The following CCT3 variants were observed in gnomAD, a reference collection of about 807,000 sequenced individuals.
CCT3 encodes T-complex protein 1 subunit gamma.
Under a neutral mutation model 65.3 loss-of-function variants are expected in CCT3, and 10 were observed. That is an observed-to-expected ratio of 0.15 (90% CI 0.09 to 0.26). The LOEUF (loss-of-function observed/expected upper bound fraction) is 0.26, where lower values mean the gene tolerates loss of function less well. Ranked by LOEUF, CCT3 falls within the 10% of genes least tolerant of loss-of-function variation. The probability of loss-of-function intolerance (pLI) is 1.00; values close to 1 mark genes in which losing one functional copy is unlikely to be tolerated. For missense variants in CCT3, 626 were observed against 708.7 expected, an observed-to-expected ratio of 0.88 and a Z score of 1.33; for synonymous variants, 225 against 242.3, an observed-to-expected ratio of 0.93 and a Z score of 0.66.
intron 8 of CCT3, among the ~76,000 whole-genome samples, chr1:156,318,102 C>T (rs1400186262): frequency 6.6e-6 from 1 of 152,138 alleles, no homozygotes; most frequent in Non-Finnish European, 1.5e-5. Flanking sequence ...TCTGACCACC[C>T]AGTCCAATCC....
At chr1:156,335,038 A>G (rs1220868965) in intron 2 of CCT3, 120 bp from the exon 3 acceptor site, 1 of 777,312 alleles carries the variant, frequency 1.3e-6, no homozygotes, top group Non-Finnish European at 2.0e-6. Context: ...TTTTATTTTA[A>G]TTTTATTTTA....
In CCT3 at chr1:156,325,001, A is replaced by G; in HGVS notation, c.393T>C (p.Asp131=). ...VVISAYRKAL[D]DMISTLKKIS... is the part of the protein sequence containing the mutation. ...TTTTCTTTAGGGTGCTGATCATATC[A>G]TCCAATGCCTTGCGGTAAGCACTGA... Residue 131 remains aspartate (D), a synonymous_variant, in exon 6 of 14, where the codon GAT becomes GAC. Transcript: ENST00000295688. 1 of 1,613,300 alleles carries G rather than the reference A, an allele frequency of 6.2e-7. No homozygotes were observed. Among genetic ancestry groups the G allele is most frequent in the South Asian group, 1.1e-5 (1 of 91,064 alleles).
At chr1:156,310,866 T>C (rs1456238126) in intron 12 of CCT3, 84 bp downstream of exon 12, 9 of 1,520,088 alleles carry the variant, frequency 5.9e-6, no homozygotes, top group Non-Finnish European at 8.0e-6. Context: ...AAAGAGAATT[T>C]GGATAGCCAG....
chr1:156,319,063 T>C (rs932563055), intron 7 of CCT3, 46 bp from the exon 8 acceptor site: 1 of 1,522,140 alleles, frequency 6.6e-7, no homozygotes, highest in Non-Finnish European at 8.9e-7. Context: ...AAGAGACAAT[T>C]TCTTAATTTC....
chr1:156,315,858 G>C (rs762848338), intron 10 of CCT3, among the ~76,000 whole-genome samples: 1 of 152,042 alleles, frequency 6.6e-6, no homozygotes, highest in Non-Finnish European at 1.5e-5. Context: ...ATTTCAACTA[G>C]AGAATTAGAA....
At chr1:156,332,754 A>G (rs1028222329) in intron 5 of CCT3, 1 of 152,256 alleles carries the variant, frequency 6.6e-6, no homozygotes, top group African/African-American at 2.4e-5. Flanking sequence ...TTCTATGTGC[A>G]AGAAGGCTGT....
intron 10 of CCT3, among the ~76,000 whole-genome samples, chr1:156,313,350 G>GAAAAAAAAAAA (rs58926932): frequency 7.5e-5 from 8 of 106,748 alleles, no homozygotes; most frequent in Admixed American, 2.3e-4. Context: ...AAAAAAAAAA[G>GAAAAAAAAAAA]AAAAAAAAAA....
intron 5 of CCT3, among the ~76,000 whole-genome samples, chr1:156,328,058 T>C (rs1664920356): frequency 2.3e-4 from 1 of 4,280 alleles, no homozygotes; most frequent in Non-Finnish European, 4.7e-4. Context: ...AGCCGCCCCA[T>C]CTGGCAGGGA....
intron 6 of CCT3, among the ~76,000 whole-genome samples, chr1:156,324,467 T>C (rs952565084): frequency 2.0e-5 from 3 of 152,178 alleles, no homozygotes; most frequent in Non-Finnish European, 2.9e-5. Context: ...AGGTAATATA[T>C]GCTTTTCTTT....
intron 12 of CCT3, 36 bp downstream of exon 12, chr1:156,310,914 T>C (rs1402453710): frequency 1.2e-6 from 2 of 1,603,370 alleles, no homozygotes; most frequent in Non-Finnish European, 1.7e-6. Flanking sequence ...CAGCTTTCCC[T>C]GCTCCATCAA....
intron 5 of CCT3, chr1:156,333,050 C>T (rs916232226): frequency 5.7e-6 from 1 of 176,444 alleles, no homozygotes; most frequent in African/African-American, 2.4e-5. Context: ...AATCCCAGCA[C>T]TTTGGGAGGC....
At position 156,334,833 on chromosome 1, in the gene CCT3, T is replaced by C. The variant is rs1247297916; in HGVS notation, c.144+35A>G. The stretch of plus-strand genomic sequence containing the variant: ...TCCTAGATAACAGGAAGAAAAAAAT[T>C]GTAGCCTAAGAGTTTTAGGAAGAGA... On this transcript the variant is annotated intron_variant, in intron 3 of 13. Coordinates refer to ENST00000295688, the MANE Select transcript of CCT3 (RefSeq NM_005998.5). The C allele has an allele frequency of 5.6e-6, 9 of 1,613,640 alleles. No homozygotes were observed. In the African/African-American group the frequency reaches 8.0e-5, roughly 14 times the overall value.
chr1:156,312,026 C>T lies in CCT3; in HGVS notation c.1155+15G>A. On this transcript the variant is annotated intron_variant, in intron 11 of 13. Transcript: ENST00000295688. The stretch of plus-strand genomic sequence containing the variant: ...TGATCTACTTCATCTGGTCATACAT[C>T]CAAGGCTGACTCACCGAGAGAATCT... The T allele has an allele frequency of 1.2e-6, 2 of 1,600,512 alleles. No homozygotes were observed. The highest frequency in any genetic ancestry group is 1.7e-6 in the Non-Finnish European group (2 of 1,174,306).
At chr1:156,320,534 G>A (rs926250922) in intron 7 of CCT3, among the ~76,000 whole-genome samples, 2 of 152,186 alleles carry the variant, frequency 1.3e-5, no homozygotes, top group Admixed American at 1.3e-4. Context: ...GATCACTTGA[G>A]GCCAGGAGTT....
Position 156,329,303 on chromosome 1 carries a change from C to CTTT in CCT3, c.305-4217_305-4215dup, listed in dbSNP as rs765770849. Among the ~76,000 whole-genome samples the CTTT allele has an allele frequency of 2.2e-3, 261 of 119,504 alleles. 2 individuals carry two copies. The highest frequency in any genetic ancestry group is 5.2e-3 in the South Asian group (18 of 3,464). 78.4% of individuals were successfully genotyped at this position (119,504 alleles called of 152,430 possible). ...CATTTGTCTCAGAACGTATCCCCATCTTTTTTTTTTTTTTTTTTTTTGAGA... is the reference window on the plus strand; with the variant it reads ...CATTTGTCTCAGAACGTATCCCCATCTTTTTTTTTTTTTTTTTTTTTTTTGAGA... On this transcript the variant is annotated intron_variant, in intron 5 of 13. Transcript: ENST00000295688.
chr1:156,312,954 T>C (rs751674638), intron 10 of CCT3, among the ~76,000 whole-genome samples: 39 of 152,176 alleles, frequency 2.6e-4, no homozygotes, highest in Admixed American at 1.6e-3. Context: ...TTGATAATTT[T>C]AGAAAGAGGT....
intron 11 of CCT3, among the ~76,000 whole-genome samples, 198 bp from the exon 12 acceptor site, chr1:156,311,393 G>A (rs1664078690): frequency 6.6e-6 from 1 of 152,200 alleles, no homozygotes; most frequent in South Asian, 2.1e-4. Context: ...AGGATGGCGG[G>A]GAGTGGTATC....
intron 8 of CCT3, among the ~76,000 whole-genome samples, chr1:156,317,903 G>A (rs185936603): frequency 4.6e-5 from 7 of 151,884 alleles, no homozygotes; most frequent in African/African-American, 1.4e-4. Flanking sequence ...TAGTAGAGAC[G>A]GGGTTTCACC....
rs200444120 is a variant in CCT3 at position 156,309,219 on chromosome 1, G to C, written c.1618C>G (p.Pro540Ala). 1.2e-5 allele frequency: 20 copies of C among 1,613,290 alleles called. No homozygotes were observed. In the Admixed American group the frequency reaches 3.3e-4, roughly 27 times the overall value. ...GDDQSRQGGA[P>A]DAGQE ...AGCACTCACTCCTGGCCAGCATCAG[G>C]AGCCCCGCCTTGCCGGCTCTGGTCA... is the stretch of plus-strand genomic sequence containing the variant. Residue 540 changes from proline (P) to alanine (A), a missense_variant, in exon 14 of 14, where the codon CCT becomes GCT. Transcript: ENST00000295688.
Sources: gnomAD v4.1 joint callset for allele counts (sites outside exome capture counted in the v4.1 genomes callset) on GRCh38, gnomAD v4.1.1 for gene constraint, MANE v1.5 for transcripts, NCBI Gene and HGNC (gene_info 2026-07-23, HGNC 2026-07-21) for gene names.